The following UNC13B variants were observed in gnomAD, a reference collection of about 807,000 sequenced individuals.
UNC13B encodes the protein protein unc-13 homolog B.
Under a neutral mutation model 211.0 loss-of-function variants are expected in UNC13B, and 144 were observed. The observed-to-expected ratio is 0.68, with a 90% CI of 0.60 to 0.78. UNC13B has a LOEUF of 0.78. UNC13B is among the 30% of genes least tolerant of loss of function. The pLI, the probability that UNC13B is intolerant of heterozygous loss-of-function variation, is 0.00. For synonymous variants in UNC13B, 709 were observed against 725.8 expected (o/e 0.98, Z 0.37); for missense variants, 1,777 against 2,002.0 (o/e 0.89, Z 2.14).
intron 7 of UNC13B, among the ~76,000 whole-genome samples, chr9:35,279,166 G>T (rs1446060547): frequency 6.6e-6 from 1 of 151,976 alleles, no homozygotes; most frequent in African/African-American, 2.4e-5. Flanking sequence ...CCCCTCAAAG[G>T]AGACCTCATA....
At position 35,294,904 on chromosome 9, in the gene UNC13B, G is replaced by A. The variant is rs967910759; in HGVS notation, c.527-792G>A. ...AAAAACTGTAGCCAGTCAGGTGCTG[G>A]TCTGAAGGACAAATAATTCTACGAA... On this transcript the variant is annotated intron_variant, in intron 7 of 39. Transcript: ENST00000635942. 2.1e-4 allele frequency among the ~76,000 whole-genome samples: 32 copies of A among 152,300 alleles called. 1 individual carries two copies. Among genetic ancestry groups the A allele is most frequent in the South Asian group, 8.3e-4 (4 of 4,824 alleles).
At chr9:35,252,755 C>A (rs1826581628) in intron 6 of UNC13B, among the ~76,000 whole-genome samples, 1 of 151,916 alleles carries the variant, frequency 6.6e-6, no homozygotes, top group South Asian at 2.1e-4. Context: ...ACAGTGAAAC[C>A]CCGTCTCTAC....
chr9:35,372,314 T>C (rs538521992), intron 13 of UNC13B, among the ~76,000 whole-genome samples: 1 of 152,216 alleles, frequency 6.6e-6, no homozygotes, highest in African/African-American at 2.4e-5. Context: ...CCCAAATCAC[T>C]TGGGCCCTTC....
intron 1 of UNC13B, among the ~76,000 whole-genome samples, chr9:35,196,084 G>T (rs1822922945): frequency 1.3e-5 from 2 of 149,086 alleles, no homozygotes; most frequent in African/African-American, 2.5e-5. Context: ...ATAAGAAATG[G>T]TGGTTATTGT....
intron 11 of UNC13B, chr9:35,342,356 C>T (rs778373733): frequency 1.6e-4 from 162 of 985,414 alleles, no homozygotes; most frequent in Admixed American, 2.5e-4. Flanking sequence ...TAAGTGGTAC[C>T]GAGTGTGTAT....
intron 11 of UNC13B, among the ~76,000 whole-genome samples, chr9:35,359,888 A>C (rs969272119): frequency 6.6e-6 from 1 of 152,094 alleles, no homozygotes; most frequent in African/African-American, 2.4e-5. Context: ...AGTAATCCCC[A>C]TAGAGCATGA....
chr9:35,379,459 G>GA (rs147340530), intron 17 of UNC13B, among the ~76,000 whole-genome samples: 198 of 144,326 alleles, frequency 1.4e-3, no homozygotes, highest in Middle Eastern at 6.9e-3. Flanking sequence ...AAAAAGAAAA[G>GA]AAAAAAAAAA....
intron 11 of UNC13B, among the ~76,000 whole-genome samples, chr9:35,337,655 T>C (rs1052805017): frequency 2.0e-5 from 3 of 152,232 alleles, no homozygotes; most frequent in African/African-American, 7.2e-5. Context: ...CAGATACTTT[T>C]GAATATTTGG....
chr9:35,251,823 G>A (rs1300100957), intron 6 of UNC13B, among the ~76,000 whole-genome samples: 1 of 152,036 alleles, frequency 6.6e-6, no homozygotes, highest in Non-Finnish European at 1.5e-5. Context: ...TGCCCATTTG[G>A]CTGTCATGTC....
intron 1 of UNC13B, among the ~76,000 whole-genome samples, chr9:35,227,195 G>T (rs1445452884): frequency 6.6e-6 from 1 of 152,188 alleles, no homozygotes; most frequent in African/African-American, 2.4e-5. Context: ...TGGAGAGGAC[G>T]TGTGAAAGGT....
intron 6 of UNC13B, among the ~76,000 whole-genome samples, chr9:35,249,340 A>C (rs900564156): frequency 2.6e-5 from 4 of 152,154 alleles, no homozygotes; most frequent in Non-Finnish European, 4.4e-5. Context: ...TAATTGGAGC[A>C]TTTAGCCCAT....
chr9:35,358,423 C>T (rs1243338568), intron 11 of UNC13B, among the ~76,000 whole-genome samples: 1 of 152,186 alleles, frequency 6.6e-6, no homozygotes, highest in Non-Finnish European at 1.5e-5. Flanking sequence ...CATCAGGGCA[C>T]AAGGGTTCCT....
rs1303434421 is a variant in UNC13B at position 35,381,518 on chromosome 9, GT to G, written c.10492-35del. On this transcript the variant is annotated intron_variant, in intron 19 of 39. Transcript: ENST00000635942. ...AAGTTTGTTTTTGTCTTTCATATGTGTTTAACCCATTCCCTTTCTCTGCTCT... is the reference window on the plus strand; with the variant it reads ...AAGTTTGTTTTTGTCTTTCATATGTGTTAACCCATTCCCTTTCTCTGCTCT... 5 of 1,594,448 alleles carry G rather than the reference GT, an allele frequency of 3.1e-6. No homozygotes were observed. In the African/African-American group the frequency reaches 6.7e-5, roughly 21 times the overall value.
chr9:35,249,533 T>A (rs1461719813), intron 6 of UNC13B, among the ~76,000 whole-genome samples: 1 of 152,176 alleles, frequency 6.6e-6, no homozygotes, highest in Non-Finnish European at 1.5e-5. Flanking sequence ...CTTCAGGAGC[T>A]CTTGTAGGGC....
At chr9:35,324,272 A>G (rs1830890057) in intron 11 of UNC13B, among the ~76,000 whole-genome samples, 1 of 152,220 alleles carries the variant, frequency 6.6e-6, no homozygotes, top group African/African-American at 2.4e-5. Flanking sequence ...TAGGTATCAT[A>G]TTATACACGG....
In UNC13B at chr9:35,162,043, C is replaced by T; in HGVS notation, c.-241C>T. On this transcript the variant is annotated 5_prime_UTR_variant, in exon 1 of 40. Coordinates refer to ENST00000635942, the MANE Select transcript of UNC13B (RefSeq NM_001371189.2). ...AGCTCCTACCTCCCAGCGATGGCGT[C>T]GCTGTGCCGCGCCCAGTCCCCAGCC... is the stretch of plus-strand genomic sequence containing the variant. The T allele has an allele frequency of 3.6e-6, 2 of 559,688 alleles. No homozygotes were observed. The highest frequency in any genetic ancestry group is 2.2e-5 in the South Asian group (1 of 46,166). The allele number at this position is 559,688 out of a possible 1,614,324, so 34.7% of individuals were successfully genotyped here. A position where few individuals can be genotyped will look rare whatever the true frequency, so the allele number is the denominator to read the frequency against.
intron 11 of UNC13B, among the ~76,000 whole-genome samples, chr9:35,348,601 C>T (rs1832519469): frequency 6.6e-6 from 1 of 152,178 alleles, no homozygotes; most frequent in South Asian, 2.1e-4. Context: ...TGGTTGGATG[C>T]TTGCTTTAGA....
At chr9:35,396,183 C>T (rs1835861030) in intron 26 of UNC13B, among the ~76,000 whole-genome samples, 2 of 152,292 alleles carry the variant, frequency 1.3e-5, no homozygotes, top group Middle Eastern at 3.4e-3. Flanking sequence ...TCTTCTACAC[C>T]AGAGGCCAGA....
At chr9:35,386,142 A>G (rs779156697) in intron 23 of UNC13B, 23 bp from the exon 24 acceptor site, 3 of 1,613,936 alleles carry the variant, frequency 1.9e-6, no homozygotes, top group South Asian at 1.1e-5. Flanking sequence ...CCTTGGGCCC[A>G]TATTTCTTCT....
Sources: allele counts gnomAD v4.1 joint callset (sites outside exome capture counted in the v4.1 genomes callset), GRCh38; gene constraint gnomAD v4.1.1; transcripts MANE v1.5; gene names NCBI Gene and HGNC (gene_info 2026-07-23, HGNC 2026-07-21).